The following ATG3 variants were observed in gnomAD, a reference collection of about 807,000 sequenced individuals.
The protein encoded by ATG3 is ubiquitin-like-conjugating enzyme ATG3.
ATG3 carries 25 observed loss-of-function variants against 50.7 expected under a neutral mutation model. The ratio of observed to expected loss-of-function variants is 0.49; its 90% confidence interval spans 0.36 to 0.69. ATG3 has a LOEUF of 0.69. Ranked by LOEUF, ATG3 falls within the 30% of genes least tolerant of loss-of-function variation. The pLI is 0.00. For missense variants in ATG3, 281 were observed against 376.0 expected (o/e 0.75, Z 2.09); for synonymous variants, 119 against 125.5 (o/e 0.95, Z 0.34).
intron 3 of ATG3, 85 bp from the exon 4 acceptor site, chr3:112,550,347 A>G (rs1933495735): frequency 9.1e-7 from 1 of 1,097,906 alleles, no homozygotes; most frequent in South Asian, 1.4e-5. Flanking sequence ...ATAAATCTCA[A>G]AATGATATAA....
intron 9 of ATG3, among the ~76,000 whole-genome samples, chr3:112,536,967 T>A (rs967064977): frequency 2.3e-4 from 31 of 137,386 alleles, no homozygotes; most frequent in African/African-American, 7.6e-4. Flanking sequence ...AAAAAAGAAA[T>A]TACTATTTAG....
At chr3:112,538,701 C>T (rs1268291845) in intron 7 of ATG3, among the ~76,000 whole-genome samples, 1 of 152,208 alleles carries the variant, frequency 6.6e-6, no homozygotes, top group African/African-American at 2.4e-5. Context: ...GCTGCAGTAA[C>T]CAAGGGCTCA....
intron 5 of ATG3, among the ~76,000 whole-genome samples, chr3:112,547,558 C>T (rs1052598024): frequency 1.3e-5 from 2 of 152,202 alleles, no homozygotes; most frequent in Admixed American, 1.3e-4. Flanking sequence ...GCTTCAGCAG[C>T]ATATGATAAT....
rs150029196 is a variant in ATG3 at position 112,555,974 on chromosome 3, G to A, written c.114+2402C>T. ...ACTGCAACTATATATTCAACAATTA[G>A]TCATCTTCACAGAGGAAATAAAACC... On this transcript the variant is annotated intron_variant, in intron 2 of 11. Transcript: ENST00000283290. Among the ~76,000 whole-genome samples the A allele has an allele frequency of 2.8e-3, 424 of 152,274 alleles. 1 individual carries two copies. The highest frequency in any genetic ancestry group is 9.1e-3 in the South Asian group (44 of 4,828).
At chr3:112,555,662 G>C (rs139836684) in intron 2 of ATG3, among the ~76,000 whole-genome samples, 1 of 152,222 alleles carries the variant, frequency 6.6e-6, no homozygotes, top group Non-Finnish European at 1.5e-5. Context: ...TGAAACAAAT[G>C]AACAAATCAA....
At chr3:112,547,381 C>T (rs1933398284) in intron 5 of ATG3, among the ~76,000 whole-genome samples, 1 of 151,612 alleles carries the variant, frequency 6.6e-6, no homozygotes, top group Admixed American at 6.6e-5. Context: ...GCACATTTTC[C>T]ATTCCAAAAA....
intron 2 of ATG3, among the ~76,000 whole-genome samples, chr3:112,555,207 A>G (rs929981063): frequency 6.6e-6 from 1 of 152,178 alleles, no homozygotes; most frequent in African/African-American, 2.4e-5. Flanking sequence ...ACGAAAAACA[A>G]AAAACAAAAC....
At chr3:112,544,562 G>A (rs1933320274) in intron 5 of ATG3, among the ~76,000 whole-genome samples, 1 of 148,894 alleles carries the variant, frequency 6.7e-6, no homozygotes, top group Admixed American at 6.9e-5. Flanking sequence ...GCTGAGACAG[G>A]AGAATCGCTT....
At chr3:112,552,603 T>A (rs572285078) in intron 3 of ATG3, among the ~76,000 whole-genome samples, 1 of 150,750 alleles carries the variant, frequency 6.6e-6, no homozygotes, top group Non-Finnish European at 1.5e-5. Context: ...GCCACAAACA[T>A]GTTCAGTAAA....
chr3:112,537,000 G>C (rs1933075483), intron 9 of ATG3, among the ~76,000 whole-genome samples: 1 of 143,102 alleles, frequency 7.0e-6, no homozygotes, highest in African/African-American at 2.6e-5. Context: ...TAAATCTCAA[G>C]GTTTATAATA....
chr3:112,544,658 G>GAAAAAAAA (rs576984897), intron 5 of ATG3, among the ~76,000 whole-genome samples: 1 of 64,100 alleles, frequency 1.6e-5, no homozygotes, highest in South Asian at 7.6e-4. Context: ...CCGTCTCAGG[G>GAAAAAAAA]AAAAAAAAAA....
intron 10 of ATG3, chr3:112,535,650 T>TA (rs1424217742): frequency 1.2e-4 from 19 of 152,274 alleles, no homozygotes; most frequent in Admixed American, 1.2e-3. Flanking sequence ...TCCACGGAGT[T>TA]AAAGTTTGAG....
At chr3:112,556,788 G>A (rs1391927030) in intron 2 of ATG3, among the ~76,000 whole-genome samples, 1 of 151,966 alleles carries the variant, frequency 6.6e-6, no homozygotes, top group South Asian at 2.1e-4. Flanking sequence ...GATTAAGGGT[G>A]GTGCAAGATG....
intron 7 of ATG3, among the ~76,000 whole-genome samples, chr3:112,540,228 AG>A (rs1933188674): frequency 6.6e-6 from 1 of 152,258 alleles, no homozygotes; most frequent in African/African-American, 2.4e-5. Context: ...GAACAGACAT[AG>A]CTAGGTTTCA....
chr3:112,549,275 A>G (rs551968340), intron 4 of ATG3, among the ~76,000 whole-genome samples: 1 of 151,878 alleles, frequency 6.6e-6, no homozygotes, highest in Admixed American at 6.5e-5. Flanking sequence ...GCATTATGGT[A>G]TAAGGTCAAC....
chr3:112,561,353 CCT>C, intron 1 of ATG3, 102 bp downstream of exon 1: 1 of 1,230,618 alleles, frequency 8.1e-7, no homozygotes. Context: ...CTACTGCCTT[CCT>C]ACACCTTGCC....
chr3:112,548,579 T>C lies in ATG3; in HGVS notation c.297A>G (p.Glu99=). 6.2e-7 allele frequency: 1 copy of C among 1,614,046 alleles called. No individual in the cohort carries two copies. The highest frequency in any genetic ancestry group is 1.7e-5 in the Admixed American group (1 of 60,024). Residue 99 remains glutamate (E), a synonymous_variant, in exon 5 of 12, where the codon GAA becomes GAG. Coordinates refer to ENST00000283290, the MANE Select transcript of ATG3 (RefSeq NM_022488.5). ...EYSDELEAII[E]EDDGDGGWVD... Reference sequence around the variant, plus strand: ...CCCATCCGCCATCACCATCATCTTCTTCAATGATAGCTTCCAATTCATCTG... The same window carrying C: ...CCCATCCGCCATCACCATCATCTTCCTCAATGATAGCTTCCAATTCATCTG...
At chr3:112,537,159 A>G (rs1319446286) in intron 9 of ATG3, among the ~76,000 whole-genome samples, 1 of 152,126 alleles carries the variant, frequency 6.6e-6, no homozygotes, top group Non-Finnish European at 1.5e-5. Context: ...CAATGCAGAA[A>G]AAAAATCTCA....
rs957026019 is a variant in ATG3, at chr3:112,541,946, C to T, written c.394-62G>A. The T allele has an allele frequency of 3.0e-6, 4 of 1,345,734 alleles. No individual in the cohort carries two copies. In the Admixed American group the frequency reaches 7.0e-5, roughly 24 times the overall value. The allele number at this position is 1,345,734 out of a possible 1,614,324, so 83.4% of individuals were successfully genotyped here. ...ATACATTAATTTGAACACTGAACAC[C>T]CATGTGCTAGCACAGTGGTAACCAC... On this transcript the variant is annotated intron_variant, in intron 6 of 11. Coordinates refer to ENST00000283290, the MANE Select transcript of ATG3 (RefSeq NM_022488.5).
Sources: gnomAD v4.1 joint callset for allele counts (sites outside exome capture counted in the v4.1 genomes callset) on GRCh38, gnomAD v4.1.1 for gene constraint, MANE v1.5 for transcripts, NCBI Gene and HGNC (gene_info 2026-07-23, HGNC 2026-07-21) for gene names.